The following RIMOC1 variants were observed in gnomAD, a reference collection of about 807,000 sequenced individuals.
The protein encoded by RIMOC1 is RAB7A interacting MON1-CCZ1 complex subunit 1, also known as RAB7A-interacting MON1-CCZ1 complex subunit 1.
the RIMOC1 span, among the ~76,000 whole-genome samples, chr5:41,912,893 T>C: frequency 6.6e-6 from 1 of 152,216 alleles, no homozygotes; most frequent in East Asian, 1.9e-4. Context: ...GGTAGACATT[T>C]AGTGATCTTT....
At chr5:41,904,611 G>T in the RIMOC1 span, 10 of 689,110 alleles carry the variant, frequency 1.5e-5, no homozygotes, top group African/African-American at 1.6e-4. Context: ...TCGCTTCTGA[G>T]CCCCTCTGCG....
chr5:41,912,041 C>A, the RIMOC1 span: 1 of 1,303,644 alleles, frequency 7.7e-7, no homozygotes, highest in Non-Finnish European at 1.1e-6. Context: ...ATAATACTTT[C>A]AATTCTTTGG....
chr5:41,914,175 G>T, the RIMOC1 span, among the ~76,000 whole-genome samples: 4 of 152,016 alleles, frequency 2.6e-5, no homozygotes, highest in Non-Finnish European at 5.9e-5. Flanking sequence ...ATGTAATATT[G>T]GTGGCGTCTC....
chr5:41,910,541 G>A, the RIMOC1 span, among the ~76,000 whole-genome samples: 42 of 151,920 alleles, frequency 2.8e-4, no homozygotes, highest in African/African-American at 9.6e-4. Context: ...TTAACTGCCT[G>A]CTGACTGTTT....
the RIMOC1 span, among the ~76,000 whole-genome samples, chr5:41,906,400 G>C: frequency 6.6e-6 from 1 of 152,074 alleles, no homozygotes. Context: ...CCACACCCCT[G>C]CCACAGTAAT....
chr5:41,907,154 G>C, the RIMOC1 span, among the ~76,000 whole-genome samples: 2 of 152,112 alleles, frequency 1.3e-5, no homozygotes. Flanking sequence ...TTTTCTTCCA[G>C]GTTTTGAGGA....
At chr5:41,917,184 G>T in the RIMOC1 span, 1 of 1,613,832 alleles carries the variant, frequency 6.2e-7, no homozygotes, top group Non-Finnish European at 8.5e-7. Flanking sequence ...CGAGAAGTAG[G>T]AGAAAAAATC....
At chr5:41,907,931 G>T in the RIMOC1 span, 1 of 776,444 alleles carries the variant, frequency 1.3e-6, no homozygotes, top group Non-Finnish European at 2.1e-6. Context: ...AATGAAATCA[G>T]TTTATTCTAT....
the RIMOC1 span, among the ~76,000 whole-genome samples, chr5:41,906,595 G>A: frequency 3.4e-3 from 513 of 152,252 alleles, 4 homozygotes; most frequent in African/African-American, 0.012. Context: ...ACATTGTGTG[G>A]ATGTCACTTC....
the RIMOC1 span, among the ~76,000 whole-genome samples, chr5:41,908,053 C>T: frequency 6.6e-6 from 1 of 152,058 alleles, no homozygotes; most frequent in East Asian, 1.9e-4. Context: ...TAAGAAAAGT[C>T]AGGAAGAAAA....
chr5:41,914,434 G>T, the RIMOC1 span, among the ~76,000 whole-genome samples: 1 of 150,994 alleles, frequency 6.6e-6, no homozygotes, highest in Non-Finnish European at 1.5e-5. Context: ...TCCAGCCTGG[G>T]GGATAGAGCC....
At chr5:41,908,816 CT>C in the RIMOC1 span, among the ~76,000 whole-genome samples, 1 of 151,998 alleles carries the variant, frequency 6.6e-6, no homozygotes, top group South Asian at 2.1e-4. Context: ...TTTTAAGATC[CT>C]CTTAAACCCT....
At chr5:41,905,147 G>C in the RIMOC1 span, among the ~76,000 whole-genome samples, 1 of 152,114 alleles carries the variant, frequency 6.6e-6, no homozygotes, top group East Asian at 1.9e-4. Context: ...TTTTGAGTTT[G>C]AGCAATTACT....
chr5:41,904,540 G>A, the RIMOC1 span: 5 of 1,409,354 alleles, frequency 3.5e-6, no homozygotes, highest in Admixed American at 5.8e-5. Flanking sequence ...GGCTGTGAGG[G>A]CTAGAGGCTG....
the RIMOC1 span, chr5:41,907,898 T>C: frequency 3.0e-6 from 3 of 1,000,892 alleles, no homozygotes; most frequent in Non-Finnish European, 3.0e-6. Flanking sequence ...TTTATTTAGA[T>C]GATTGACTCC....
the RIMOC1 span, among the ~76,000 whole-genome samples, chr5:41,909,287 A>G: frequency 3.9e-5 from 6 of 152,184 alleles, no homozygotes; most frequent in East Asian, 3.9e-4. Flanking sequence ...TGCTTCCTCT[A>G]TTGGGTGGCA....
the RIMOC1 span, chr5:41,917,360 G>A: frequency 6.7e-7 from 1 of 1,495,792 alleles, no homozygotes; most frequent in African/African-American, 1.4e-5. Context: ...GGAAAAGAGA[G>A]TTCCAAAAAA....
chr5:41,911,091 G>A, the RIMOC1 span: 1 of 1,609,792 alleles, frequency 6.2e-7, no homozygotes, highest in Non-Finnish European at 8.5e-7. Context: ...TGTCTCTCTT[G>A]GAGACGAGGA....
the RIMOC1 span, chr5:41,916,949 T>G: frequency 7.3e-7 from 1 of 1,370,582 alleles, no homozygotes; most frequent in South Asian, 1.6e-5. Context: ...AATTAGAGTT[T>G]AGTTAATAAC....
Sources: gnomAD v4.1 joint callset for allele counts (sites outside exome capture counted in the v4.1 genomes callset) on GRCh38, gnomAD v4.1.1 for gene constraint, MANE v1.5 for transcripts, NCBI Gene and HGNC (gene_info 2026-07-23, HGNC 2026-07-21) for gene names.